Variants in PDE1C observed in about 807,000 individuals in gnomAD.
The protein encoded by PDE1C is phosphodiesterase 1C.
PDE1C carries 62 observed loss-of-function variants against 93.1 expected under a neutral mutation model. That is an observed-to-expected ratio of 0.67 (90% confidence interval 0.54 to 0.82). PDE1C has a LOEUF of 0.82. Among genes scored for constraint, PDE1C ranks in the 40% least tolerant of loss-of-function variants. The pLI, the probability that PDE1C is intolerant of heterozygous loss-of-function variation, is 0.00. For missense variants in PDE1C, 742 were observed against 884.6 expected (o/e 0.84, Z 2.04); for synonymous variants, 325 against 310.1 (o/e 1.05, Z -0.50).
intron 7 of PDE1C, among the ~76,000 whole-genome samples, chr7:31,853,459 C>T (rs1357821961): frequency 6.6e-6 from 1 of 152,104 alleles, no homozygotes; most frequent in Non-Finnish European, 1.5e-5. Flanking sequence ...GAGCAAGTCC[C>T]AGCAGCAAAA....
chr7:31,973,644 ATTC>A (rs1441569114), intron 2 of PDE1C, among the ~76,000 whole-genome samples: 1 of 152,232 alleles, frequency 6.6e-6, no homozygotes, highest in Admixed American at 6.5e-5. Context: ...AGTTATTATT[ATTC>A]TTATTTTACA....
At chr7:32,064,140 C>T (rs955897702) in intron 1 of PDE1C, among the ~76,000 whole-genome samples, 1 of 152,110 alleles carries the variant, frequency 6.6e-6, no homozygotes, top group Non-Finnish European at 1.5e-5. Context: ...GGTCAATGCC[C>T]TCTTCCCTGG....
intron 2 of PDE1C, among the ~76,000 whole-genome samples, chr7:32,208,034 A>G (rs1166513076): frequency 1.3e-5 from 2 of 152,228 alleles, no homozygotes; most frequent in African/African-American, 4.8e-5. Flanking sequence ...GGGATGAAAT[A>G]TCTATTTTGC....
chr7:32,335,713 T>A (rs1783605407), intron 1 of PDE1C, among the ~76,000 whole-genome samples: 1 of 62,756 alleles, frequency 1.6e-5, no homozygotes, highest in South Asian at 5.3e-4. Flanking sequence ...TTTTTGTTTT[T>A]TTGTTTGTTT....
At chr7:31,834,063 C>T (rs1000995093) in intron 11 of PDE1C, among the ~76,000 whole-genome samples, 1 of 152,236 alleles carries the variant, frequency 6.6e-6, no homozygotes, top group Non-Finnish European at 1.5e-5. Context: ...CAGGCCATGG[C>T]TTCAGAAGGT....
chr7:32,135,644 C>G (rs1800163646), intron 3 of PDE1C, among the ~76,000 whole-genome samples: 1 of 152,126 alleles, frequency 6.6e-6, no homozygotes, highest in South Asian at 2.1e-4. Flanking sequence ...GAAAAGGAAA[C>G]TCTTGTATAT....
At chr7:31,651,994 G>A in the PDE1C span, 1 of 1,606,674 alleles carries the variant, frequency 6.2e-7, no homozygotes, top group African/African-American at 1.3e-5. Flanking sequence ...GCAGGTGGCA[G>A]AGTTGGAATT....
chr7:31,635,707 G>A, the PDE1C span, among the ~76,000 whole-genome samples: 8 of 152,084 alleles, frequency 5.3e-5, no homozygotes, highest in African/African-American at 1.2e-4. Context: ...GGTAATTTAT[G>A]AAGAAAAGAG....
intron 16 of PDE1C, among the ~76,000 whole-genome samples, chr7:31,802,196 T>A (rs1324016499): frequency 2.0e-5 from 3 of 151,538 alleles, no homozygotes; most frequent in Non-Finnish European, 4.4e-5. Flanking sequence ...TGATTTCATT[T>A]TATCTGTTGC....
rs79725840 is a variant in PDE1C, at chr7:32,007,860, G to C, written c.128+43694C>G. Among the ~76,000 whole-genome samples, 472 of 152,298 alleles carry C rather than the reference G, an allele frequency of 3.1e-3. 3 individuals carry two copies. The highest frequency in any genetic ancestry group is 0.011 in the African/African-American group (439 of 41,548). ...CAGGGCAGGGATTCAAAAAGTGTTT[G>C]TTGACTGAATGGTCAGATCTATTAT... is the stretch of plus-strand genomic sequence containing the variant. On this transcript the variant is annotated intron_variant, in intron 2 of 17. Coordinates refer to ENST00000396191, the MANE Select transcript of PDE1C (RefSeq NM_001191057.4).
chr7:31,984,003 G>C (rs1185368740), intron 2 of PDE1C, among the ~76,000 whole-genome samples: 2 of 152,104 alleles, frequency 1.3e-5, no homozygotes, highest in Non-Finnish European at 2.9e-5. Flanking sequence ...GAGAAAGGGA[G>C]CAAAAGGGCT....
chr7:31,661,877 A>G, the PDE1C span, among the ~76,000 whole-genome samples: 2 of 151,948 alleles, frequency 1.3e-5, no homozygotes, highest in Middle Eastern at 3.4e-3. Flanking sequence ...TCTCTCCTTG[A>G]ATCTCTTCTT....
At chr7:31,679,028 C>T in the PDE1C span, among the ~76,000 whole-genome samples, 7 of 152,160 alleles carry the variant, frequency 4.6e-5, no homozygotes, top group African/African-American at 1.4e-4. Context: ...ACTTAGTCTA[C>T]GGCACCAATC....
chr7:32,019,266 C>A lies in PDE1C; in HGVS notation c.128+32288G>T, dbSNP rs1406842133. 2.0e-5 allele frequency among the ~76,000 whole-genome samples: 3 copies of A among 150,388 alleles called. No homozygotes were observed. The East Asian group carries it at 5.9e-4, about 30-fold the overall frequency. On this transcript the variant is annotated intron_variant, in intron 2 of 17. Transcript: ENST00000396191. ...GCAATGTGTAAGTAAAGAACTAAAACATGATTAGAGTTAGTGAGAAAATGT... is the reference window on the plus strand; with the variant it reads ...GCAATGTGTAAGTAAAGAACTAAAAAATGATTAGAGTTAGTGAGAAAATGT...
At chr7:32,150,211 G>A (rs1427426441) in intron 3 of PDE1C, among the ~76,000 whole-genome samples, 1 of 152,200 alleles carries the variant, frequency 6.6e-6, no homozygotes, top group African/African-American at 2.4e-5. Context: ...TTTGCTCCGG[G>A]TCACATCATT....
chr7:31,739,903 G>A, the PDE1C span, among the ~76,000 whole-genome samples: 2 of 152,188 alleles, frequency 1.3e-5, no homozygotes, highest in African/African-American at 4.8e-5. Flanking sequence ...CTTTCAGAGG[G>A]CACATTGACG....
At chr7:31,985,755 CT>C (rs112779992) in intron 2 of PDE1C, among the ~76,000 whole-genome samples, 3 of 152,076 alleles carry the variant, frequency 2.0e-5, no homozygotes, top group African/African-American at 7.3e-5. Flanking sequence ...ATGAATTCAT[CT>C]TTTTTATGGC....
intron 12 of PDE1C, 79 bp from the exon 13 acceptor site, chr7:31,825,066 A>T (rs117088924): frequency 0.016 from 25,180 of 1,556,488 alleles, 248 homozygotes; most frequent in Middle Eastern, 0.032. Flanking sequence ...AAACTGATCT[A>T]GAAGTTCCAG....
chr7:32,285,979 AGCCCACAT>A (rs1811976094), intron 1 of PDE1C, among the ~76,000 whole-genome samples: 1 of 152,218 alleles, frequency 6.6e-6, no homozygotes, highest in South Asian at 2.1e-4. Flanking sequence ...TCTCCCCACA[AGCCCACAT>A]GCTTTTCAAG....
Sources: gnomAD v4.1 joint callset for allele counts (sites outside exome capture counted in the v4.1 genomes callset) on GRCh38, gnomAD v4.1.1 for gene constraint, MANE v1.5 for transcripts, NCBI Gene and HGNC (gene_info 2026-07-23, HGNC 2026-07-21) for gene names.